The following VDAC1 variants were observed in gnomAD, a reference collection of about 807,000 sequenced individuals.
VDAC1 encodes non-selective voltage-gated ion channel VDAC1.
VDAC1 carries 10 observed loss-of-function variants against 34.7 expected under a neutral mutation model. The ratio of observed to expected loss-of-function variants is 0.29; its 90% CI spans 0.18 to 0.49. VDAC1 has a LOEUF of 0.49. VDAC1 is among the 20% of genes least tolerant of loss of function. VDAC1 has a pLI of 0.99. For missense variants in VDAC1, 230 were observed against 347.9 expected (o/e 0.66, Z 2.69); for synonymous variants, 130 against 136.0 (o/e 0.96, Z 0.30).
the VDAC1 span, among the ~76,000 whole-genome samples, chr5:134,021,076 G>A: frequency 4.6e-5 from 7 of 151,962 alleles, no homozygotes; most frequent in Non-Finnish European, 8.8e-5. Context: ...GCTGAAGTGG[G>A]AGGATCACCT....
At chr5:133,981,137 A>G (rs1752681346) in intron 5 of VDAC1, 181 bp from the exon 6 acceptor site, 2 of 596,794 alleles carry the variant, frequency 3.4e-6, no homozygotes, top group Non-Finnish European at 6.0e-6. Context: ...TCTCTTCCAC[A>G]GGGACTCAGT....
chr5:134,068,965 AC>A, the VDAC1 span, among the ~76,000 whole-genome samples: 3 of 77,148 alleles, frequency 3.9e-5, no homozygotes, highest in East Asian at 1.0e-3. Flanking sequence ...CTGGGAGGTG[AC>A]TGTGTGTGTG....
the VDAC1 span, among the ~76,000 whole-genome samples, chr5:134,032,563 T>C: frequency 6.6e-6 from 1 of 152,162 alleles, no homozygotes; most frequent in Non-Finnish European, 1.5e-5. Flanking sequence ...TAAATGTCCA[T>C]GCATGGAAGA....
At chr5:134,074,095 G>A in the VDAC1 span, among the ~76,000 whole-genome samples, 143 of 152,118 alleles carry the variant, frequency 9.4e-4, no homozygotes, top group South Asian at 7.9e-3. Flanking sequence ...GGCAGATCAT[G>A]AGGTCAGGAG....
At chr5:133,991,261 G>A in intron 3 of VDAC1, 107 bp from the exon 4 acceptor site, 1 of 1,413,590 alleles carries the variant, frequency 7.1e-7, no homozygotes, top group South Asian at 1.3e-5. Flanking sequence ...GACCCTGAAT[G>A]TGGGGGGGCC....
At chr5:134,001,232 T>A (rs959493267) in intron 1 of VDAC1, among the ~76,000 whole-genome samples, 1 of 152,140 alleles carries the variant, frequency 6.6e-6, no homozygotes, top group Non-Finnish European at 1.5e-5. Flanking sequence ...CCAACTCCAC[T>A]CCTGCCAGGC....
At chr5:134,110,584 C>G in the VDAC1 span, among the ~76,000 whole-genome samples, 3 of 152,226 alleles carry the variant, frequency 2.0e-5, no homozygotes, top group Non-Finnish European at 4.4e-5. Flanking sequence ...GACCTGTAAC[C>G]GGGTTTTGCC....
chr5:134,054,729 G>C, the VDAC1 span, among the ~76,000 whole-genome samples: 1 of 152,170 alleles, frequency 6.6e-6, no homozygotes, highest in Non-Finnish European at 1.5e-5. Flanking sequence ...CCAATGTGCT[G>C]AGATTACAGG....
chr5:134,043,581 G>A, the VDAC1 span, among the ~76,000 whole-genome samples: 2 of 151,870 alleles, frequency 1.3e-5, no homozygotes, highest in East Asian at 1.9e-4. Flanking sequence ...TGCCCAGGCT[G>A]GAGTGTAGTG....
chr5:134,049,077 G>C, the VDAC1 span, among the ~76,000 whole-genome samples: 386 of 152,270 alleles, frequency 2.5e-3, 2 homozygotes, highest in African/African-American at 8.8e-3. Flanking sequence ...TCATTTTACA[G>C]ATGTGTAAAC....
chr5:134,003,323 A>G (rs527696486), intron 1 of VDAC1, among the ~76,000 whole-genome samples: 14 of 152,202 alleles, frequency 9.2e-5, no homozygotes, highest in African/African-American at 3.4e-4. Flanking sequence ...GCCTCAGTGG[A>G]GAAGTTTAGG....
At chr5:134,006,747 CCAA>C (rs1213351424), upstream of VDAC1, among the ~76,000 whole-genome samples, 5 of 112,616 alleles carry the variant, frequency 4.4e-5, no homozygotes, top group African/African-American at 1.7e-4. Flanking sequence ...TCCCCCCCCC[CCAA>C]AAAAAAAAAA....
At chr5:133,979,680 G>A (rs138499076) in intron 6 of VDAC1, among the ~76,000 whole-genome samples, 8,061 of 152,014 alleles carry the variant, frequency 0.053, 236 homozygotes, top group East Asian at 0.13. Flanking sequence ...CACCCGCCTC[G>A]GCCTCCCAAA....
intron 7 of VDAC1, among the ~76,000 whole-genome samples, chr5:133,975,263 AAAAAT>A (rs1300231040): frequency 6.6e-6 from 1 of 152,118 alleles, no homozygotes; most frequent in Non-Finnish European, 1.5e-5. Flanking sequence ...CAAAAAAACA[AAAAAT>A]AAAAAAAACC....
chr5:134,084,940 G>T, the VDAC1 span, among the ~76,000 whole-genome samples: 2 of 152,130 alleles, frequency 1.3e-5, no homozygotes, highest in Non-Finnish European at 2.9e-5. Flanking sequence ...AGTAGGCCAG[G>T]ATTCAACCCA....
intron 1 of VDAC1, among the ~76,000 whole-genome samples, chr5:133,997,960 G>C (rs567047261): frequency 6.6e-6 from 1 of 151,834 alleles, no homozygotes; most frequent in East Asian, 1.9e-4. Context: ...CCAGCTACTC[G>C]GGAGGCTGGG....
At chr5:133,993,792 G>A (rs566627756) in intron 1 of VDAC1, among the ~76,000 whole-genome samples, 4 of 152,146 alleles carry the variant, frequency 2.6e-5, no homozygotes, top group South Asian at 2.1e-4. Context: ...TAAGCACCTC[G>A]GTGTTCAAGG....
the VDAC1 span, among the ~76,000 whole-genome samples, chr5:134,068,375 T>C: frequency 6.6e-6 from 1 of 151,940 alleles, no homozygotes; most frequent in Admixed American, 6.6e-5. Context: ...AGCAATTTTT[T>C]CAATGAGGGG....
chr5:134,054,028 A>G, the VDAC1 span, among the ~76,000 whole-genome samples: 1 of 152,334 alleles, frequency 6.6e-6, no homozygotes, highest in South Asian at 2.1e-4. Flanking sequence ...TTAAGGAATT[A>G]TGATATTAAG....
Sources: gnomAD v4.1 joint callset for allele counts (sites outside exome capture counted in the v4.1 genomes callset) on GRCh38, gnomAD v4.1.1 for gene constraint, MANE v1.5 for transcripts, NCBI Gene and HGNC (gene_info 2026-07-23, HGNC 2026-07-21) for gene names.